GPC5: variants seen among roughly 807,000 people sequenced by gnomAD.
GPC5 encodes glypican-5.
In GPC5, 47 loss-of-function variants were observed where a neutral mutation model predicts 53.9. The ratio of observed to expected loss-of-function variants is 0.87; its 90% CI spans 0.69 to 1.11. The LOEUF is 1.11. Ranked by LOEUF, GPC5 falls within the 50% of genes most tolerant of loss-of-function variation. GPC5 has a pLI of 0.00. For missense variants in GPC5, 748 were observed against 713.1 expected (o/e 1.05, Z -0.56); for synonymous variants, 286 against 263.3 (o/e 1.09, Z -0.84).
At chr13:92,827,484 A>T (rs1877891483) in intron 7 of GPC5, among the ~76,000 whole-genome samples, 1 of 152,104 alleles carries the variant, frequency 6.6e-6, no homozygotes, top group African/African-American at 2.4e-5. Context: ...AGAAGGAGAG[A>T]TAGAGATCAG....
intron 6 of GPC5, among the ~76,000 whole-genome samples, chr13:91,921,770 A>G (rs1484557281): frequency 7.2e-6 from 1 of 139,382 alleles, no homozygotes; most frequent in African/African-American, 2.8e-5. Flanking sequence ...ACATAGCAAG[A>G]CTGCCTTTAA....
At chr13:92,398,424 G>C (rs1300627512) in intron 7 of GPC5, among the ~76,000 whole-genome samples, 1 of 57,358 alleles carries the variant, frequency 1.7e-5, no homozygotes, top group Non-Finnish European at 2.8e-5. Flanking sequence ...GCGAGACTCC[G>C]TCTCAAAAAA....
At chr13:91,562,570 C>T (rs1175772442) in intron 2 of GPC5, among the ~76,000 whole-genome samples, 1 of 151,530 alleles carries the variant, frequency 6.6e-6, no homozygotes, top group Non-Finnish European at 1.5e-5. Flanking sequence ...TTTCCTGCCT[C>T]AGTCTCCTGA....
intron 7 of GPC5, among the ~76,000 whole-genome samples, chr13:92,703,641 GATGTT>G (rs1887839949): frequency 1.3e-5 from 2 of 149,578 alleles, no homozygotes; most frequent in Non-Finnish European, 3.0e-5. Flanking sequence ...ATATTTATAA[GATGTT>G]ATAAGTTTAT....
intron 5 of GPC5, among the ~76,000 whole-genome samples, chr13:91,849,137 T>C (rs1594615445): frequency 6.6e-6 from 1 of 152,216 alleles, no homozygotes; most frequent in Non-Finnish European, 1.5e-5. Context: ...AACACATTGC[T>C]CTTTTTCTGA....
At chr13:91,741,218 T>C (rs1239265702) in intron 4 of GPC5, among the ~76,000 whole-genome samples, 2 of 152,228 alleles carry the variant, frequency 1.3e-5, no homozygotes, top group African/African-American at 4.8e-5. Context: ...ATTTTGAGTT[T>C]TTTTCAATTT....
At chr13:92,445,307 T>C (rs1566593532) in intron 7 of GPC5, among the ~76,000 whole-genome samples, 1 of 126,194 alleles carries the variant, frequency 7.9e-6, no homozygotes, top group Non-Finnish European at 1.6e-5. Flanking sequence ...TTTTTTGTTT[T>C]ATTTTATTTT....
intron 7 of GPC5, among the ~76,000 whole-genome samples, chr13:92,309,509 TTGAG>T (rs757738160): frequency 8.5e-5 from 13 of 152,220 alleles, no homozygotes; most frequent in Non-Finnish European, 1.9e-4. Context: ...ACTGGTTTGA[TTGAG>T]TTTGTTCATT....
At chr13:92,697,675 A>G (rs957634699) in intron 7 of GPC5, among the ~76,000 whole-genome samples, 3 of 152,138 alleles carry the variant, frequency 2.0e-5, no homozygotes, top group Non-Finnish European at 2.9e-5. Context: ...TCCTAATTTG[A>G]ATACCCTTTA....
intron 7 of GPC5, among the ~76,000 whole-genome samples, chr13:92,721,164 G>A (rs546261861): frequency 8.5e-4 from 129 of 152,068 alleles, no homozygotes; most frequent in African/African-American, 2.9e-3. Flanking sequence ...CCTTCCTGGT[G>A]CACAGGGAAG....
At chr13:91,684,859 T>G (rs911523318) in intron 2 of GPC5, among the ~76,000 whole-genome samples, 2 of 152,214 alleles carry the variant, frequency 1.3e-5, no homozygotes, top group African/African-American at 4.8e-5. Flanking sequence ...CCCTGCCTAC[T>G]TCTCAGACCT....
intron 5 of GPC5, among the ~76,000 whole-genome samples, chr13:91,833,598 G>A (rs1185696853): frequency 2.6e-5 from 4 of 152,056 alleles, no homozygotes; most frequent in African/African-American, 7.2e-5. Context: ...TATGCAAATC[G>A]ATAAATGTAA....
intron 7 of GPC5, among the ~76,000 whole-genome samples, chr13:92,195,554 C>T (rs2139053088): frequency 6.6e-6 from 1 of 152,206 alleles, no homozygotes; most frequent in Non-Finnish European, 1.5e-5. Context: ...ACACTGCATT[C>T]CCACTCATAT....
At chr13:92,784,535 A>T (rs1460525795) in intron 7 of GPC5, among the ~76,000 whole-genome samples, 1 of 152,008 alleles carries the variant, frequency 6.6e-6, no homozygotes, top group Non-Finnish European at 1.5e-5. Context: ...CTAAAAGGTC[A>T]CTTCATCTGT....
At chr13:92,442,348 T>G (rs1423441454) in intron 7 of GPC5, among the ~76,000 whole-genome samples, 1 of 151,996 alleles carries the variant, frequency 6.6e-6, no homozygotes, top group African/African-American at 2.4e-5. Flanking sequence ...GAAACTTGAG[T>G]GGATACAAAA....
At chr13:92,506,670 T>C (rs976532268) in intron 7 of GPC5, among the ~76,000 whole-genome samples, 3 of 152,132 alleles carry the variant, frequency 2.0e-5, no homozygotes, top group Non-Finnish European at 2.9e-5. Flanking sequence ...GTCTTTCAAA[T>C]ATATAACATC....
chr13:91,506,528 G>A (rs192273973), intron 2 of GPC5, among the ~76,000 whole-genome samples: 14 of 152,154 alleles, frequency 9.2e-5, no homozygotes, highest in Non-Finnish European at 1.3e-4. Context: ...AATTCTGAAA[G>A]CATGTAAGAT....
intron 7 of GPC5, among the ~76,000 whole-genome samples, chr13:92,151,475 A>AAAACACCG (rs1324987064): frequency 2.6e-5 from 4 of 152,172 alleles, no homozygotes; most frequent in Non-Finnish European, 4.4e-5. Flanking sequence ...AACACCGTAT[A>AAAACACCG]TTAGCATTAT....
intron 7 of GPC5, among the ~76,000 whole-genome samples, chr13:92,728,902 A>C (rs1239577781): frequency 6.6e-6 from 1 of 151,390 alleles, no homozygotes; most frequent in Admixed American, 6.6e-5. Flanking sequence ...GACTTTAATC[A>C]AGCTGCATAT....
Sources: gnomAD v4.1 joint callset for allele counts (sites outside exome capture counted in the v4.1 genomes callset) on GRCh38, gnomAD v4.1.1 for gene constraint, MANE v1.5 for transcripts, NCBI Gene and HGNC (gene_info 2026-07-23, HGNC 2026-07-21) for gene names.